INSYN2B: variants seen among roughly 807,000 people sequenced by gnomAD.
INSYN2B encodes the protein protein INSYN2B.
A neutral mutation model predicts 41.2 loss-of-function variants in INSYN2B; 16 were observed. The observed-to-expected ratio is 0.39, with a 90% confidence interval of 0.26 to 0.59. The LOEUF (loss-of-function observed/expected upper bound fraction) is 0.59. Among genes scored for constraint, INSYN2B ranks in the 20% least tolerant of loss-of-function variants. INSYN2B has a pLI of 0.57. For synonymous variants in INSYN2B, 245 were observed against 244.4 expected (o/e 1.00, Z -0.02); for missense variants, 608 against 646.4 (o/e 0.94, Z 0.64).
intron 1 of INSYN2B, among the ~76,000 whole-genome samples, chr5:169,962,872 C>A (rs1348391711): frequency 6.6e-6 from 1 of 152,068 alleles, no homozygotes; most frequent in Non-Finnish European, 1.5e-5. Context: ...TCTCCTTGCC[C>A]AGAACAGAGA....
intron 1 of INSYN2B, among the ~76,000 whole-genome samples, chr5:169,904,260 T>C (rs1774144950): frequency 6.6e-6 from 1 of 152,174 alleles, no homozygotes; most frequent in Non-Finnish European, 1.5e-5. Flanking sequence ...TTCAAGCAAG[T>C]ACTTGAAAGC....
At chr5:169,976,248 C>T (rs1777713796) in intron 1 of INSYN2B, among the ~76,000 whole-genome samples, 1 of 152,162 alleles carries the variant, frequency 6.6e-6, no homozygotes, top group Admixed American at 6.5e-5. Context: ...GAAGACGTGG[C>T]GGGTTTTTAA....
intron 1 of INSYN2B, among the ~76,000 whole-genome samples, chr5:169,978,399 G>T (rs1156562505): frequency 7.1e-6 from 1 of 141,416 alleles, no homozygotes; most frequent in Non-Finnish European, 1.6e-5. Context: ...GTGTGGGGGG[G>T]GGGGGGTGTA....
intron 1 of INSYN2B, among the ~76,000 whole-genome samples, chr5:169,909,306 A>G (rs941277209): frequency 4.0e-4 from 61 of 152,244 alleles, no homozygotes; most frequent in Non-Finnish European, 1.5e-5. Context: ...GGTGGCTACC[A>G]TGTTCAACAG....
chr5:169,958,934 C>T (rs1776970541), intron 1 of INSYN2B, among the ~76,000 whole-genome samples: 1 of 152,202 alleles, frequency 6.6e-6, no homozygotes, highest in Non-Finnish European at 1.5e-5. Context: ...ATTAGCAACT[C>T]ATAGTTGGCT....
At chr5:169,911,965 G>C (rs749205579) in intron 1 of INSYN2B, among the ~76,000 whole-genome samples, 2 of 152,130 alleles carry the variant, frequency 1.3e-5, no homozygotes, top group African/African-American at 4.8e-5. Flanking sequence ...TTCCTAGGTT[G>C]AAATTGTTCT....
At chr5:169,867,421 CTGT>C (rs1771640535) in intron 3 of INSYN2B, among the ~76,000 whole-genome samples, 2 of 147,790 alleles carry the variant, frequency 1.4e-5, no homozygotes, top group African/African-American at 2.4e-5. Flanking sequence ...GTCTGTCTGT[CTGT>C]CTGTCTGTCT....
chr5:169,960,769 C>T (rs1272783802), intron 1 of INSYN2B, among the ~76,000 whole-genome samples: 2 of 152,102 alleles, frequency 1.3e-5, no homozygotes, highest in Non-Finnish European at 2.9e-5. Flanking sequence ...ATGGAAAATC[C>T]ACAGATAAAT....
chr5:169,900,435 G>A (rs988901241), intron 1 of INSYN2B, among the ~76,000 whole-genome samples: 3 of 152,178 alleles, frequency 2.0e-5, no homozygotes, highest in Non-Finnish European at 2.9e-5. Flanking sequence ...GTGGCTGGGC[G>A]AGATAGTGGC....
intron 1 of INSYN2B, among the ~76,000 whole-genome samples, chr5:169,956,582 G>A (rs1262027529): frequency 6.6e-6 from 1 of 152,176 alleles, no homozygotes; most frequent in Non-Finnish European, 1.5e-5. Flanking sequence ...AAGATGCTGG[G>A]CACAGGTATA....
intron 1 of INSYN2B, among the ~76,000 whole-genome samples, chr5:169,956,448 G>A (rs1395625130): frequency 6.6e-6 from 1 of 152,158 alleles, no homozygotes; most frequent in African/African-American, 2.4e-5. Context: ...TTACTGCAGC[G>A]ACTTTAAGCA....
At chr5:169,910,235 C>T (rs1379883274) in intron 1 of INSYN2B, among the ~76,000 whole-genome samples, 3 of 152,128 alleles carry the variant, frequency 2.0e-5, no homozygotes, top group Non-Finnish European at 2.9e-5. Context: ...ACAGGCCTTT[C>T]ATGTTAGAAG....
chr5:169,889,276 T>A (rs867160347), intron 1 of INSYN2B, among the ~76,000 whole-genome samples: 33 of 152,356 alleles, frequency 2.2e-4, no homozygotes, highest in Middle Eastern at 6.8e-3. Flanking sequence ...AGATTTATTA[T>A]CAGTAGGTCT....
At chr5:169,901,595 A>G (rs537881077) in intron 1 of INSYN2B, among the ~76,000 whole-genome samples, 2 of 152,332 alleles carry the variant, frequency 1.3e-5, no homozygotes, top group South Asian at 4.1e-4. Context: ...GTAACACATG[A>G]TGATGGCAAG....
At chr5:169,919,733 C>A (rs1483125116) in intron 1 of INSYN2B, among the ~76,000 whole-genome samples, 3 of 152,110 alleles carry the variant, frequency 2.0e-5, no homozygotes, top group Non-Finnish European at 2.9e-5. Context: ...TTCTCTGAGT[C>A]CCCGCGAAAC....
At chr5:169,894,078 C>T (rs1773452170) in intron 1 of INSYN2B, among the ~76,000 whole-genome samples, 1 of 152,196 alleles carries the variant, frequency 6.6e-6, no homozygotes, top group Admixed American at 6.5e-5. Context: ...ACGACAGACT[C>T]CAGTGACCCC....
rs79891155 is a variant in INSYN2B at position 169,941,210 on chromosome 5, G to A, written c.-919+39067C>T. Among the ~76,000 whole-genome samples the A allele has an allele frequency of 7.9e-3, 1,206 of 152,152 alleles. 61 individuals carry two copies. The East Asian group carries it at 0.13, about 17-fold the overall frequency. On this transcript the variant is annotated intron_variant, in intron 1 of 3. Transcript: ENST00000377365. The stretch of plus-strand genomic sequence containing the variant: ...TGCTTTTTAAATTTATTTATTTATT[G>A]TTATTATTATTTTTTGATGTGGAGT...
At chr5:169,900,644 A>G (rs1773872148) in intron 1 of INSYN2B, among the ~76,000 whole-genome samples, 1 of 152,226 alleles carries the variant, frequency 6.6e-6, no homozygotes, top group Non-Finnish European at 1.5e-5. Context: ...TCTAATTAGA[A>G]GCTTCGATTA....
intron 1 of INSYN2B, among the ~76,000 whole-genome samples, chr5:169,908,397 TG>T (rs1426807871): frequency 2.0e-5 from 3 of 152,200 alleles, no homozygotes; most frequent in Admixed American, 2.0e-4. Flanking sequence ...TCTAAGAATA[TG>T]CTTTCCCCTG....
Sources: gnomAD v4.1 joint callset for allele counts (sites outside exome capture counted in the v4.1 genomes callset) on GRCh38, gnomAD v4.1.1 for gene constraint, MANE v1.5 for transcripts, NCBI Gene and HGNC (gene_info 2026-07-23, HGNC 2026-07-21) for gene names.